The following CTCFL variants were observed in gnomAD, a reference collection of about 807,000 sequenced individuals.
The protein encoded by CTCFL is transcriptional repressor CTCFL.
A neutral mutation model predicts 67.4 loss-of-function variants in CTCFL; 36 were observed. That is an observed-to-expected ratio of 0.53 (90% confidence interval 0.41 to 0.71). The LOEUF (loss-of-function observed/expected upper bound fraction) is 0.71, where lower values mean the gene tolerates loss of function less well. Ranked by LOEUF, CTCFL falls within the 30% of genes least tolerant of loss-of-function variation. The pLI, the probability that CTCFL is intolerant of heterozygous loss-of-function variation, is 0.00. For missense variants in CTCFL, 786 were observed against 835.2 expected (o/e 0.94, Z 0.73); for synonymous variants, 324 against 302.3 (o/e 1.07, Z -0.75).
intron 8 of CTCFL, among the ~76,000 whole-genome samples, chr20:57,510,592 G>A (rs902882631): frequency 9.9e-5 from 15 of 152,134 alleles, no homozygotes; most frequent in African/African-American, 3.4e-4. Flanking sequence ...GGCCAGGCGC[G>A]GTGGCTCACG....
In CTCFL at chr20:57,519,383, G is replaced by A; in HGVS notation, c.755-6C>T. 2.5e-6 allele frequency: 4 copies of A among 1,611,082 alleles called. No homozygotes were observed. The highest frequency in any genetic ancestry group is 3.4e-6 in the Non-Finnish European group (4 of 1,177,722). On this transcript the variant is annotated splice_region_variant and splice_polypyrimidine_tract_variant and intron_variant, in intron 3 of 10. Coordinates refer to ENST00000243914, the MANE Select transcript of CTCFL (RefSeq NM_001386993.1). The stretch of plus-strand genomic sequence containing the variant: ...GTGGAAGGTTCCTTTTGCTCCTATA[G>A]GCAGGAAATAGTTTATGTATTTGTT...
At chr20:57,519,794 T>C (rs2069215315) in intron 3 of CTCFL, among the ~76,000 whole-genome samples, 1 of 152,144 alleles carries the variant, frequency 6.6e-6, no homozygotes, top group Non-Finnish European at 1.5e-5. Context: ...ACCCGCCCCA[T>C]CTCTGCATCC....
chr20:57,511,289 C>G (rs2068535603), intron 8 of CTCFL, among the ~76,000 whole-genome samples: 1 of 152,136 alleles, frequency 6.6e-6, no homozygotes, highest in Non-Finnish European at 1.5e-5. Context: ...TTCTGTCCAT[C>G]TCGGCCTCCC....
chr20:57,522,709 C>T (rs973485299), intron 3 of CTCFL, among the ~76,000 whole-genome samples: 3 of 152,184 alleles, frequency 2.0e-5, no homozygotes, highest in Admixed American at 6.5e-5. Context: ...GGAGGAATCA[C>T]TCCTTCTCTT....
intron 8 of CTCFL, among the ~76,000 whole-genome samples, chr20:57,511,091 G>C (rs554250214): frequency 1.3e-5 from 2 of 152,260 alleles, no homozygotes; most frequent in East Asian, 3.9e-4. Context: ...GTCCGTGCTG[G>C]AGTGCAGTGG....
At position 57,500,085 on chromosome 20, in the gene CTCFL, A is replaced by ATTTCTT. The variant is rs74182726; in HGVS notation, c.1841-1385_1841-1384insAAGAAA. 1.4e-4 allele frequency: 127 copies of ATTTCTT among 925,248 alleles called. No homozygotes were observed. In the African/African-American group the frequency reaches 2.7e-3, roughly 20 times the overall value. 57.3% of individuals were successfully genotyped at this position (925,248 alleles called of 1,614,324 possible). On this transcript the variant is annotated intron_variant, in intron 10 of 10. Coordinates refer to ENST00000243914, the MANE Select transcript of CTCFL (RefSeq NM_001386993.1). ...ATTTTTGTCCATGCTTCCTTGAAGT[A>ATTTCTT]TTTTTTTTTTTTTTTTTTTGGTGGA... is the stretch of plus-strand genomic sequence containing the variant.
rs1346151041 is a variant in CTCFL at position 57,523,417 on chromosome 20, G to A, written c.544-139C>T. 5 of 981,910 alleles carry A rather than the reference G, an allele frequency of 5.1e-6. No homozygotes were observed. The Admixed American group carries it at 1.1e-4, about 22-fold the overall frequency. 60.8% of individuals were successfully genotyped at this position (981,910 alleles called of 1,614,324 possible). A position where few individuals can be genotyped will look rare whatever the true frequency, so the allele number is the denominator to read the frequency against. On this transcript the variant is annotated intron_variant, in intron 2 of 10. Transcript: ENST00000243914. ...ACAATGTTAATTATTTCGCATCAGG[G>A]TTGTGGCAGTGAAACTTAACACTTT... is the stretch of plus-strand genomic sequence containing the variant.
chr20:57,509,838 T>C (rs1409684838), intron 8 of CTCFL, among the ~76,000 whole-genome samples: 1 of 152,150 alleles, frequency 6.6e-6, no homozygotes, highest in African/African-American at 2.4e-5. Context: ...CGCTCCCTGC[T>C]GGGAGCCTGA....
At chr20:57,512,176 G>T (rs1247942577) in intron 8 of CTCFL, among the ~76,000 whole-genome samples, 3 of 152,174 alleles carry the variant, frequency 2.0e-5, no homozygotes, top group African/African-American at 4.8e-5. Context: ...CAAGCACACT[G>T]TCATGTAAAA....
At chr20:57,504,869 C>T (rs1175842677) in intron 9 of CTCFL, among the ~76,000 whole-genome samples, 2 of 152,024 alleles carry the variant, frequency 1.3e-5, no homozygotes, top group African/African-American at 4.8e-5. Flanking sequence ...TAAGCCCTTG[C>T]TGCAAGATAT....
At chr20:57,503,659 T>G in intron 9 of CTCFL, 58 bp from the exon 10 acceptor site, 1 of 1,572,632 alleles carries the variant, frequency 6.4e-7, no homozygotes, top group Non-Finnish European at 8.6e-7. Context: ...GGGACCCCTC[T>G]CAGGGGCCTG....
chr20:57,513,731 T>C (rs2068711042), intron 7 of CTCFL: 1 of 1,211,964 alleles, frequency 8.3e-7, no homozygotes, highest in Admixed American at 3.4e-5. Context: ...CAGAAAGGTT[T>C]TCAAAAAAAT....
At chr20:57,513,981 T>C (rs747272656) in intron 7 of CTCFL, 217 of 1,006,214 alleles carry the variant, frequency 2.2e-4, no homozygotes, top group Non-Finnish European at 2.8e-4. Flanking sequence ...CTCCTAGGCC[T>C]GCTGTTCCAA....
At position 57,515,922 on chromosome 20, in the gene CTCFL, A is replaced by G. The variant is rs1020153791; in HGVS notation, c.1060-88T>C. The G allele has an allele frequency of 2.3e-5, 33 of 1,405,058 alleles. No individual in the cohort carries two copies. The African/African-American group carries it at 4.8e-4, about 20-fold the overall frequency. The allele number at this position is 1,405,058 out of a possible 1,614,324, so 87.0% of individuals were successfully genotyped here. ...AATCAGCATTGTAAAAGAGATTTAA[A>G]TTAATCATATTTTAACATCAGAGCA... On this transcript the variant is annotated intron_variant, in intron 5 of 10. Coordinates refer to ENST00000243914, the MANE Select transcript of CTCFL (RefSeq NM_001386993.1).
chr20:57,520,139 TG>T (rs548115102), intron 3 of CTCFL, among the ~76,000 whole-genome samples: 3 of 152,214 alleles, frequency 2.0e-5, no homozygotes, highest in Non-Finnish European at 4.4e-5. Context: ...GAGCATGTCC[TG>T]GGTGGTTCTA....
intron 9 of CTCFL, among the ~76,000 whole-genome samples, chr20:57,506,288 T>G (rs2068205931): frequency 6.6e-6 from 1 of 151,988 alleles, no homozygotes; most frequent in South Asian, 2.1e-4. Flanking sequence ...AAAGGTCTAT[T>G]TAGATACTTT....
At chr20:57,525,233 G>A (rs1324239743), upstream of CTCFL, 1 of 140,238 alleles carries the variant, frequency 7.1e-6, no homozygotes, top group Non-Finnish European at 1.6e-5. Context: ...ATGTACTGTG[G>A]GGGCAGGGGG....
intron 6 of CTCFL, 83 bp from the exon 7 acceptor site, chr20:57,514,824 TTG>T (rs1013224800): frequency 7.0e-7 from 1 of 1,430,666 alleles, no homozygotes. Context: ...TTTTTTTTTT[TTG>T]CCCCAAGCCT....
At chr20:57,520,235 AC>A (rs1600678117) in intron 3 of CTCFL, among the ~76,000 whole-genome samples, 1 of 152,154 alleles carries the variant, frequency 6.6e-6, no homozygotes, top group Non-Finnish European at 1.5e-5. Context: ...CCCTTGAAGA[AC>A]CCACTTTCAC....
Sources: allele counts gnomAD v4.1 joint callset (sites outside exome capture counted in the v4.1 genomes callset), GRCh38; gene constraint gnomAD v4.1.1; transcripts MANE v1.5; gene names NCBI Gene and HGNC (gene_info 2026-07-23, HGNC 2026-07-21).